ADGRD1: variants seen among roughly 807,000 people sequenced by gnomAD.
ADGRD1 encodes the protein G-protein coupled receptor 133.
Under a neutral mutation model 113.4 loss-of-function variants are expected in ADGRD1, and 77 were observed. The observed-to-expected ratio is 0.68, with a 90% CI of 0.57 to 0.82. The LOEUF (loss-of-function observed/expected upper bound fraction) is 0.82, where lower values mean the gene tolerates loss of function less well. Ranked by LOEUF, ADGRD1 falls within the 40% of genes least tolerant of loss-of-function variation. The pLI is 0.00. For synonymous variants in ADGRD1, 474 were observed against 475.0 expected, an observed-to-expected ratio of 1.00 and a Z score of 0.03; for missense variants, 1,036 against 1,139.1, an observed-to-expected ratio of 0.91 and a Z score of 1.30.
At chr12:131,037,062 G>C (rs1881537427) in intron 13 of ADGRD1, among the ~76,000 whole-genome samples, 1 of 140,334 alleles carries the variant, frequency 7.1e-6, no homozygotes, top group Admixed American at 7.2e-5. Flanking sequence ...ACTGCACCGG[G>C]TCTCACTCAC....
At chr12:131,077,280 T>A (rs1164677454) in intron 14 of ADGRD1, among the ~76,000 whole-genome samples, 1 of 152,066 alleles carries the variant, frequency 6.6e-6, no homozygotes, top group Non-Finnish European at 1.5e-5. Context: ...ACGTTGGCAT[T>A]TTCCTGTTTG....
intron 20 of ADGRD1, among the ~76,000 whole-genome samples, chr12:131,126,492 TTGTA>T (rs1403259491): frequency 2.0e-5 from 3 of 152,294 alleles, no homozygotes; most frequent in African/African-American, 4.8e-5. Context: ...AACTAGCTAT[TTGTA>T]TGTGTGTATG....
At chr12:130,991,323 C>A (rs1412413109) in intron 7 of ADGRD1, among the ~76,000 whole-genome samples, 1 of 152,106 alleles carries the variant, frequency 6.6e-6, no homozygotes, top group Non-Finnish European at 1.5e-5. Context: ...AAATACCGGG[C>A]TCATTCATGG....
chr12:131,002,423 C>T, intron 9 of ADGRD1: 2 of 736,084 alleles, frequency 2.7e-6, no homozygotes, highest in South Asian at 1.2e-4. Context: ...CATTCTATTT[C>T]CAGCTCATGA....
At chr12:131,120,723 G>GT in intron 19 of ADGRD1, 124 bp from the exon 20 acceptor site, 1 of 861,812 alleles carries the variant, frequency 1.2e-6, no homozygotes. Context: ...TAGGAATGTT[G>GT]TATGACTGCC....
intron 15 of ADGRD1, among the ~76,000 whole-genome samples, chr12:131,097,418 C>G (rs190077299): frequency 6.6e-6 from 1 of 152,242 alleles, no homozygotes; most frequent in Non-Finnish European, 1.5e-5. Context: ...TCCTGCAGCA[C>G]CCCTCAAGTG....
rs558566446 is a variant in ADGRD1 at position 131,123,550 on chromosome 12, G to A, written c.2175+2637G>A. Reference sequence around the variant, plus strand: ...AAGATTCCAGGTTCAGGCTGGGCGCGGTGGCTCACGCCTGTAATCCCAGCA... The same window carrying A: ...AAGATTCCAGGTTCAGGCTGGGCGCAGTGGCTCACGCCTGTAATCCCAGCA... On this transcript the variant is annotated intron_variant, in intron 20 of 24. Transcript: ENST00000261654. Among the ~76,000 whole-genome samples, 81 of 151,750 alleles carry A rather than the reference G, an allele frequency of 5.3e-4. 1 individual carries two copies. The highest frequency in any genetic ancestry group is 6.8e-3 in the Middle Eastern group (2 of 292).
intron 18 of ADGRD1, among the ~76,000 whole-genome samples, chr12:131,115,062 A>G (rs1420053369): frequency 6.6e-6 from 1 of 152,152 alleles, no homozygotes; most frequent in Non-Finnish European, 1.5e-5. Context: ...TTCATTCCAG[A>G]GAGATTGCGT....
intron 18 of ADGRD1, among the ~76,000 whole-genome samples, chr12:131,116,728 TG>T (rs1950474127): frequency 6.6e-6 from 1 of 152,196 alleles, no homozygotes; most frequent in African/African-American, 2.4e-5. Flanking sequence ...AGCATCCTCC[TG>T]GGGAAAAGGT....
intron 13 of ADGRD1, among the ~76,000 whole-genome samples, chr12:131,061,644 G>T (rs550903119): frequency 6.6e-6 from 1 of 152,150 alleles, no homozygotes; most frequent in Non-Finnish European, 1.5e-5. Context: ...GAAATACAGC[G>T]CAATGTCAAA....
At chr12:131,127,749 G>GAA (rs1950775960) in intron 20 of ADGRD1, among the ~76,000 whole-genome samples, 3 of 140,200 alleles carry the variant, frequency 2.1e-5, no homozygotes, top group African/African-American at 8.0e-5. Flanking sequence ...TGGTTGTGGT[G>GAA]GGATTCTGAG....
At chr12:131,006,335 G>A (rs1260363058) in intron 12 of ADGRD1, among the ~76,000 whole-genome samples, 1 of 152,242 alleles carries the variant, frequency 6.6e-6, no homozygotes, top group Non-Finnish European at 1.5e-5. Context: ...ACCTCTCTGA[G>A]CCTCAGTTTC....
chr12:130,955,850 T>TCA (rs1869507496), intron 2 of ADGRD1, among the ~76,000 whole-genome samples: 1 of 152,194 alleles, frequency 6.6e-6, no homozygotes, highest in Non-Finnish European at 1.5e-5. Flanking sequence ...TGGTGAGATC[T>TCA]CAGTCTCGGC....
rs151224388 is a variant in ADGRD1, at chr12:131,095,246, C to T, written c.1672-9585C>T. On this transcript the variant is annotated intron_variant, in intron 15 of 24. Transcript: ENST00000261654. Reference sequence around the variant, plus strand: ...GACTCAGCTTTGCTGTCAGCTCAGCCCCAGCCCTGCCTGGGCACCTTGCAG... The same window carrying T: ...GACTCAGCTTTGCTGTCAGCTCAGCTCCAGCCCTGCCTGGGCACCTTGCAG... Among the ~76,000 whole-genome samples the T allele has an allele frequency of 1.4e-3, 213 of 152,348 alleles. 1 individual carries two copies. The highest frequency in any genetic ancestry group is 4.9e-3 in the African/African-American group (203 of 41,584).
intron 15 of ADGRD1, among the ~76,000 whole-genome samples, chr12:131,100,229 G>A (rs962727665): frequency 3.3e-5 from 5 of 152,072 alleles, no homozygotes; most frequent in Non-Finnish European, 4.4e-5. Context: ...GTTGATGGTA[G>A]AGTTGGTTGA....
chr12:131,008,826 G>A (rs1258128291), intron 12 of ADGRD1, among the ~76,000 whole-genome samples: 2 of 152,216 alleles, frequency 1.3e-5, no homozygotes, highest in African/African-American at 4.8e-5. Flanking sequence ...ACAGCCCACA[G>A]AGGGAAGGGC....
chr12:131,118,415 T>C lies in ADGRD1; in HGVS notation c.2072T>C (p.Leu691Pro). The C allele has an allele frequency of 1.2e-6, 2 of 1,612,464 alleles. No individual in the cohort carries two copies. The highest frequency in any genetic ancestry group is 1.7e-6 in the Non-Finnish European group (2 of 1,179,402). Residue 691 changes from leucine to proline, a missense_variant, in exon 19 of 25, where the codon CTG (leucine) becomes CCG (proline). By Grantham distance (98) the Leu-to-Pro change is moderately conservative. Coordinates refer to ENST00000261654, the MANE Select transcript of ADGRD1 (RefSeq NM_198827.5). ...GFPLLICIIS[L>P]SFAMDSYGTS... The stretch of plus-strand genomic sequence containing the variant: ...CCTCTTCTGATCTGCATCATTTCAC[T>C]GTCATTTGCCATGGACAGTTACGGA...
chr12:131,098,119 T>A (rs1887425372), intron 15 of ADGRD1, among the ~76,000 whole-genome samples: 1 of 152,066 alleles, frequency 6.6e-6, no homozygotes, highest in Non-Finnish European at 1.5e-5. Flanking sequence ...CTGTCCCCTC[T>A]CCCACTGTCC....
intron 13 of ADGRD1, among the ~76,000 whole-genome samples, chr12:131,038,995 G>A (rs973681865): frequency 3.3e-5 from 5 of 152,260 alleles, no homozygotes; most frequent in Non-Finnish European, 7.3e-5. Context: ...GGAAGCCTAT[G>A]GTCATCTCCC....
Sources: gnomAD v4.1 joint callset for allele counts (sites outside exome capture counted in the v4.1 genomes callset) on GRCh38, gnomAD v4.1.1 for gene constraint, MANE v1.5 for transcripts, NCBI Gene and HGNC (gene_info 2026-07-23, HGNC 2026-07-21) for gene names.